The following VGLL4 variants were observed in gnomAD, a reference collection of about 807,000 sequenced individuals.
The protein encoded by VGLL4 is transcription cofactor vestigial-like protein 4.
In VGLL4, 7 loss-of-function variants were observed where a neutral mutation model predicts 21.0. The observed-to-expected ratio is 0.33, with a 90% CI of 0.19 to 0.63. The LOEUF (loss-of-function observed/expected upper bound fraction) is 0.63, where lower values mean the gene tolerates loss of function less well. VGLL4 is among the 20% of genes least tolerant of loss of function. The probability of loss-of-function intolerance (pLI) is 0.78; values close to 1 mark genes in which losing one functional copy is unlikely to be tolerated. For synonymous variants in VGLL4, 222 were observed against 173.2 expected, an observed-to-expected ratio of 1.28 and a Z score of -2.21; for missense variants, 394 against 425.7, an observed-to-expected ratio of 0.93 and a Z score of 0.66.
chr3:11,696,183 G>A (rs58443140), intron 2 of VGLL4, among the ~76,000 whole-genome samples: 2,753 of 152,248 alleles, frequency 0.018, 84 homozygotes, highest in African/African-American at 0.062. Flanking sequence ...AGACTCCAAG[G>A]GGAATGGGCA....
intron 1 of VGLL4, among the ~76,000 whole-genome samples, chr3:11,715,102 T>G (rs1274870351): frequency 1.4e-5 from 2 of 142,260 alleles, no homozygotes; most frequent in African/African-American, 2.7e-5. Flanking sequence ...GCCGCTGCAC[T>G]CCAGCCTGGG....
chr3:11,653,981 A>T lies in VGLL4; in HGVS notation c.64+48990T>A, dbSNP rs2075918073. Among the ~76,000 whole-genome samples the T allele has an allele frequency of 1.3e-5, 2 of 152,106 alleles. No homozygotes were observed. Among genetic ancestry groups the T allele is most frequent in the Non-Finnish European group, 2.9e-5 (2 of 68,008 alleles). ...AAGGAGATTCTGCCCTCCTCAGGAG[A>T]CATCTGGCAATGTCTGGTTATTTCA... On this transcript the variant is annotated intron_variant, in intron 2 of 5. Coordinates refer to the VGLL4 transcript ENST00000273038. The surrounding 1 kb of genome is among the most constrained non-coding windows in gnomAD (Gnocchi z 4.2).
rs115400713 is a variant in VGLL4 at position 11,589,762 on chromosome 3, C to A, written c.272+12071G>T. ...GCGCTTTTCCCGGCCTAGAGACAGC[C>A]GCCTTCTTGCTGTGTCCTTATGTGG... is the stretch of plus-strand genomic sequence containing the variant. On this transcript the variant is annotated intron_variant, in intron 2 of 4. Coordinates refer to ENST00000430365, the MANE Select transcript of VGLL4 (RefSeq NM_001128219.3). 2.0e-5 allele frequency among the ~76,000 whole-genome samples: 3 copies of A among 152,296 alleles called. No individual in the cohort carries two copies. In the South Asian group the frequency reaches 6.2e-4, roughly 32 times the overall value.
At chr3:11,605,950 G>A (rs1340977634) in intron 1 of VGLL4, among the ~76,000 whole-genome samples, 1 of 152,156 alleles carries the variant, frequency 6.6e-6, no homozygotes, top group African/African-American at 2.4e-5. Flanking sequence ...TATGAAAATA[G>A]CCAATAAGCA....
At chr3:11,585,915 C>A (rs995249285) in intron 2 of VGLL4, among the ~76,000 whole-genome samples, 3 of 152,136 alleles carry the variant, frequency 2.0e-5, no homozygotes, top group African/African-American at 7.2e-5. Context: ...GGACAGGCGA[C>A]CCCCTGCCGT....
At chr3:11,573,999 C>T (rs1241958644) in intron 2 of VGLL4, among the ~76,000 whole-genome samples, 1 of 152,194 alleles carries the variant, frequency 6.6e-6, no homozygotes, top group Non-Finnish European at 1.5e-5. Flanking sequence ...AGACCGTCAT[C>T]AACAAGCCAT....
intron 2 of VGLL4, among the ~76,000 whole-genome samples, chr3:11,576,547 T>G (rs567191656): frequency 1.6e-4 from 25 of 152,336 alleles, no homozygotes; most frequent in African/African-American, 5.8e-4. Flanking sequence ...CGGCGATCTC[T>G]GCACAGCAGC....
chr3:11,573,771 G>A (rs1233493960), intron 2 of VGLL4, among the ~76,000 whole-genome samples: 1 of 152,142 alleles, frequency 6.6e-6, no homozygotes, highest in Non-Finnish European at 1.5e-5. Context: ...TCTGTAATGG[G>A]TTGAACTGTG....
At chr3:11,693,525 G>A (rs965595901) in intron 2 of VGLL4, among the ~76,000 whole-genome samples, 1 of 152,178 alleles carries the variant, frequency 6.6e-6, no homozygotes, top group Non-Finnish European at 1.5e-5. Context: ...TGTTGCCTCT[G>A]GGTTATCTTG....
At chr3:11,697,084 T>A (rs965464382) in intron 2 of VGLL4, among the ~76,000 whole-genome samples, 2 of 152,042 alleles carry the variant, frequency 1.3e-5, no homozygotes, top group Admixed American at 1.3e-4. Context: ...TCTCAGTATA[T>A]GTATATGAAG....
At chr3:11,654,765 C>G (rs1456104082) in intron 2 of VGLL4, among the ~76,000 whole-genome samples, 2 of 152,102 alleles carry the variant, frequency 1.3e-5, no homozygotes, top group Non-Finnish European at 1.5e-5. Flanking sequence ...TTAACATGTC[C>G]TGGATTAATT....
At chr3:11,602,154 G>GC (rs1244808196) in intron 1 of VGLL4, 132 bp from the exon 2 acceptor site, 3 of 742,590 alleles carry the variant, frequency 4.0e-6, no homozygotes, top group East Asian at 6.5e-5. Context: ...ATGGGACGGG[G>GC]CCGCCTGCCA....
At chr3:11,665,163 C>G (rs1237560853) in intron 2 of VGLL4, among the ~76,000 whole-genome samples, 7 of 120,338 alleles carry the variant, frequency 5.8e-5, no homozygotes, top group East Asian at 2.5e-4. Flanking sequence ...ACCCAGGCTG[C>G]AGTGCAGTGG....
chr3:11,608,403 A>G (rs887827757), intron 1 of VGLL4, among the ~76,000 whole-genome samples: 1 of 152,236 alleles, frequency 6.6e-6, no homozygotes. Flanking sequence ...CATGGTGGCA[A>G]TTCTAACACA....
At chr3:11,692,745 G>C (rs2076547591) in intron 2 of VGLL4, among the ~76,000 whole-genome samples, 1 of 151,912 alleles carries the variant, frequency 6.6e-6, no homozygotes, top group African/African-American at 2.4e-5. Context: ...TTTTTTGAGG[G>C]GGGGTGGGGG....
intron 1 of VGLL4, among the ~76,000 whole-genome samples, chr3:11,638,521 T>TTC (rs199715707): frequency 1.3e-5 from 2 of 151,478 alleles, no homozygotes; most frequent in African/African-American, 2.4e-5. Flanking sequence ...CCTAGTTTCT[T>TTC]TCTCTCTCTC....
intron 1 of VGLL4, among the ~76,000 whole-genome samples, chr3:11,629,509 C>T (rs2075431108): frequency 6.6e-6 from 1 of 152,058 alleles, no homozygotes; most frequent in Non-Finnish European, 1.5e-5. Context: ...GTAATCCCAG[C>T]ACTTTGGGAG....
At chr3:11,701,947 A>G (rs1436942190) in intron 2 of VGLL4, among the ~76,000 whole-genome samples, 1 of 152,236 alleles carries the variant, frequency 6.6e-6, no homozygotes, top group Non-Finnish European at 1.5e-5. Flanking sequence ...TTGTTGGGTG[A>G]GCAGGAAAAT....
At chr3:11,646,817 C>G (rs1398582174), upstream of VGLL4, among the ~76,000 whole-genome samples, 7 of 152,156 alleles carry the variant, frequency 4.6e-5, no homozygotes, top group Non-Finnish European at 1.0e-4. Context: ...GCCACCACGT[C>G]TTTCCCGCTG....
Sources: gnomAD v4.1 joint callset for allele counts (sites outside exome capture counted in the v4.1 genomes callset) on GRCh38, gnomAD v4.1.1 for gene constraint, Gnocchi (gnomAD v3.1) non-coding constraint, MANE v1.5 for transcripts, NCBI Gene and HGNC (gene_info 2026-07-23, HGNC 2026-07-21) for gene names.